SNTG1: variants seen among roughly 807,000 people sequenced by gnomAD.
SNTG1 encodes gamma-1-syntrophin.
In SNTG1, 39 loss-of-function variants were observed where a neutral mutation model predicts 74.7. The ratio of observed to expected loss-of-function variants is 0.52; its 90% CI spans 0.40 to 0.68. The LOEUF (loss-of-function observed/expected upper bound fraction) is 0.68, where lower values mean the gene tolerates loss of function less well. Among genes scored for constraint, SNTG1 ranks in the 30% least tolerant of loss-of-function variants. SNTG1 has a pLI of 0.00. For synonymous variants in SNTG1, 254 were observed against 217.1 expected, an observed-to-expected ratio of 1.17 and a Z score of -1.49; for missense variants, 685 against 609.5, an observed-to-expected ratio of 1.12 and a Z score of -1.30.
intron 2 of SNTG1, among the ~76,000 whole-genome samples, chr8:50,240,529 C>T (rs1412702457): frequency 6.6e-6 from 1 of 152,120 alleles, no homozygotes; most frequent in African/African-American, 2.4e-5. Flanking sequence ...ACAAACTAAA[C>T]CTATCACAAG....
intron 2 of SNTG1, among the ~76,000 whole-genome samples, chr8:50,371,532 A>T (rs1431910024): frequency 6.6e-6 from 1 of 152,168 alleles, no homozygotes; most frequent in Non-Finnish European, 1.5e-5. Flanking sequence ...TGTTCAGTAT[A>T]TGTTTATTAA....
At chr8:50,444,002 G>C (rs1394685868) in intron 5 of SNTG1, among the ~76,000 whole-genome samples, 1 of 152,036 alleles carries the variant, frequency 6.6e-6, no homozygotes, top group African/African-American at 2.4e-5. Context: ...TCTGGGCATG[G>C]TGGCACATGC....
chr8:50,338,026 C>T (rs1402512194), intron 2 of SNTG1, among the ~76,000 whole-genome samples: 1 of 151,984 alleles, frequency 6.6e-6, no homozygotes, highest in South Asian at 2.1e-4. Context: ...GTCCCAGCTA[C>T]TCAGGAGGCT....
At chr8:50,173,984 C>T (rs1269558769) in intron 2 of SNTG1, among the ~76,000 whole-genome samples, 3 of 152,092 alleles carry the variant, frequency 2.0e-5, no homozygotes, top group African/African-American at 7.2e-5. Context: ...GCTCTCCGTC[C>T]CCTTGGCCCC....
chr8:50,213,105 G>A (rs2084602723), intron 2 of SNTG1, among the ~76,000 whole-genome samples: 1 of 152,182 alleles, frequency 6.6e-6, no homozygotes, highest in South Asian at 2.1e-4. Flanking sequence ...CTATGAAAGA[G>A]TAGACACACA....
At chr8:50,047,060 G>A (rs543695763) in intron 1 of SNTG1, among the ~76,000 whole-genome samples, 2 of 151,880 alleles carry the variant, frequency 1.3e-5, no homozygotes, top group African/African-American at 2.4e-5. Flanking sequence ...TAGAATATAC[G>A]GTGAAGGTCT....
At chr8:50,422,832 G>T (rs2093110993) in intron 4 of SNTG1, among the ~76,000 whole-genome samples, 1 of 152,134 alleles carries the variant, frequency 6.6e-6, no homozygotes, top group South Asian at 2.1e-4. Context: ...TAGAATGCAG[G>T]CTCCTCTACT....
chr8:50,720,037 G>C (rs963006409), intron 17 of SNTG1, among the ~76,000 whole-genome samples: 10 of 152,102 alleles, frequency 6.6e-5, no homozygotes. Flanking sequence ...AGACAATTTA[G>C]TTCAATCTTT....
chr8:49,935,019 A>G (rs117301062), intron 1 of SNTG1, among the ~76,000 whole-genome samples: 107 of 152,238 alleles, frequency 7.0e-4, no homozygotes, highest in South Asian at 2.3e-3. Flanking sequence ...ATTTAGCACC[A>G]GTAAGTTTAA....
chr8:50,405,226 A>T (rs749808939), intron 4 of SNTG1, among the ~76,000 whole-genome samples: 2 of 152,038 alleles, frequency 1.3e-5, no homozygotes, highest in Non-Finnish European at 2.9e-5. Flanking sequence ...AAACTGCCGT[A>T]CTCTTTTCCA....
chr8:50,394,692 A>G (rs1347661398), intron 3 of SNTG1, among the ~76,000 whole-genome samples: 1 of 152,194 alleles, frequency 6.6e-6, no homozygotes, highest in Non-Finnish European at 1.5e-5. Context: ...AAGAATTTAG[A>G]TTCTCTGTAG....
chr8:50,260,510 A>AACACAC (rs10649962), intron 2 of SNTG1, among the ~76,000 whole-genome samples: 3 of 143,504 alleles, frequency 2.1e-5, no homozygotes, highest in African/African-American at 7.6e-5. Context: ...TCCAGCTTTT[A>AACACAC]ACACACACAC....
intron 1 of SNTG1, among the ~76,000 whole-genome samples, chr8:49,976,528 G>A (rs1327029963): frequency 1.3e-5 from 2 of 152,154 alleles, no homozygotes; most frequent in African/African-American, 2.4e-5. Context: ...AATAGCCTGT[G>A]GAGTGTTCCT....
At position 50,526,347 on chromosome 8, in the gene SNTG1, CT is replaced by C. The variant is rs1370900957; in HGVS notation, c.467-3829del. ...GTGGCTGCAAGTTTGACACTTACTT[CT>C]GATCACACCAAGTTATTCCAGCTTA... is the stretch of plus-strand genomic sequence containing the variant. On this transcript the variant is annotated intron_variant, in intron 9 of 18. Coordinates refer to ENST00000642720, the MANE Select transcript of SNTG1 (RefSeq NM_018967.5). 2.6e-5 allele frequency among the ~76,000 whole-genome samples: 4 copies of C among 152,134 alleles called. No individual in the cohort carries two copies. The East Asian group carries it at 7.7e-4, about 29-fold the overall frequency.
At chr8:50,145,086 C>A (rs1158390365) in intron 1 of SNTG1, among the ~76,000 whole-genome samples, 1 of 152,056 alleles carries the variant, frequency 6.6e-6, no homozygotes, top group Admixed American at 6.6e-5. Flanking sequence ...GGACTCAGTG[C>A]TTCAGGAATG....
intron 2 of SNTG1, among the ~76,000 whole-genome samples, chr8:50,266,952 G>A (rs1180065533): frequency 2.0e-5 from 3 of 151,636 alleles, no homozygotes; most frequent in Non-Finnish European, 4.4e-5. Flanking sequence ...AGATCACCAC[G>A]CCCCAGAGAA....
chr8:50,041,136 T>C (rs1586015252), intron 1 of SNTG1, among the ~76,000 whole-genome samples: 1 of 152,148 alleles, frequency 6.6e-6, no homozygotes, highest in African/African-American at 2.4e-5. Flanking sequence ...CCTCAGATGA[T>C]CCATCTGCCT....
chr8:50,377,676 A>G (rs750259148), intron 2 of SNTG1, among the ~76,000 whole-genome samples: 20 of 152,230 alleles, frequency 1.3e-4, no homozygotes, highest in Admixed American at 8.5e-4. Flanking sequence ...AAGCAATTTT[A>G]TCATATAAAG....
intron 2 of SNTG1, among the ~76,000 whole-genome samples, chr8:50,365,520 T>C (rs1042400135): frequency 1.3e-5 from 2 of 152,138 alleles, no homozygotes; most frequent in African/African-American, 4.8e-5. Context: ...AAATTTCTGA[T>C]ATATCTGATC....
Sources: allele counts gnomAD v4.1 joint callset (sites outside exome capture counted in the v4.1 genomes callset), GRCh38; gene constraint gnomAD v4.1.1; transcripts MANE v1.5; gene names NCBI Gene and HGNC (gene_info 2026-07-23, HGNC 2026-07-21).